PCDHGA9: variants seen among roughly 807,000 people sequenced by gnomAD.
PCDHGA9 encodes the protein protocadherin gamma subfamily A, 9, also known as protocadherin gamma-A9.
A neutral mutation model predicts 62.5 loss-of-function variants in PCDHGA9; 37 were observed. That is an observed-to-expected ratio of 0.59 (90% confidence interval 0.46 to 0.78). The LOEUF (loss-of-function observed/expected upper bound fraction) is 0.78, where lower values mean the gene tolerates loss of function less well. Ranked by LOEUF, PCDHGA9 falls within the 30% of genes least tolerant of loss-of-function variation. The pLI, the probability that PCDHGA9 is intolerant of heterozygous loss-of-function variation, is 0.00. For missense variants in PCDHGA9, 1,138 were observed against 1,166.2 expected (o/e 0.98, Z 0.35); for synonymous variants, 459 against 484.6 (o/e 0.95, Z 0.69).
At position 141,403,588 on chromosome 5, in the gene PCDHGA9, C is replaced by T; in HGVS notation, c.636C>T (p.Leu212=). 6.2e-7 allele frequency: 1 copy of T among 1,613,904 alleles called. No individual in the cohort carries two copies. Among genetic ancestry groups the T allele is most frequent in the South Asian group, 1.1e-5 (1 of 91,086 alleles). Residue 212 remains leucine, a synonymous_variant, in exon 1 of 4, where the codon CTC becomes CTT. Transcript: ENST00000573521. ...REEATAHHLV[L]TASDGGEPRR... ...AGGCAACTGCCCACCACCTGGTCCT[C>T]ACGGCCTCGGATGGCGGCGAGCCGC...
Position 141,491,755 on chromosome 5 carries a change from G to T in PCDHGA9, c.2425-3052G>T, listed in dbSNP as rs1402188587. 3 of 1,582,078 alleles carry T rather than the reference G, an allele frequency of 1.9e-6. No individual in the cohort carries two copies. Among genetic ancestry groups the T allele is most frequent in the Non-Finnish European group, 2.6e-6 (3 of 1,165,458 alleles). On this transcript the variant is annotated intron_variant, in intron 1 of 3. Coordinates refer to ENST00000573521, the MANE Select transcript of PCDHGA9 (RefSeq NM_018921.3). This position sits in a 1 kb window ranked among gnomAD's most constrained non-coding sequence, Gnocchi z 6.9. ...CCCTGGGGGCGGCACTGGAGAAGCC[G>T]CCCGTCCTCATAAGGGATTGAACTT...
rs781336795 is a variant in PCDHGA9, at chr5:141,477,936, C to T, written c.2425-16871C>T. Reference sequence around the variant, plus strand: ...GATGCAGGGCACAATGCCTGGCTCTCCTACAGTCTCTTGGGATCCCCTAAC... The same window carrying T: ...GATGCAGGGCACAATGCCTGGCTCTTCTACAGTCTCTTGGGATCCCCTAAC... On this transcript the variant is annotated intron_variant, in intron 1 of 3. Transcript: ENST00000573521. This position sits in a 1 kb window ranked among gnomAD's most constrained non-coding sequence, Gnocchi z 4.9. 1.2e-6 allele frequency: 2 copies of T among 1,614,170 alleles called. No homozygotes were observed. The highest frequency in any genetic ancestry group is 1.1e-5 in the South Asian group (1 of 91,088).
chr5:141,433,837 C>CAAAAAA (rs56191208), intron 1 of PCDHGA9, among the ~76,000 whole-genome samples: 2 of 111,692 alleles, frequency 1.8e-5, no homozygotes, highest in Non-Finnish European at 3.9e-5. Context: ...AACTCTATCT[C>CAAAAAA]AAAAAAAAAA....
chr5:141,477,301 C>T lies in PCDHGA9; in HGVS notation c.2425-17506C>T, dbSNP rs756549446. The T allele has an allele frequency of 6.2e-7, 1 of 1,614,160 alleles. No homozygotes were observed. Among genetic ancestry groups the T allele is most frequent in the East Asian group, 2.2e-5 (1 of 44,872 alleles). Reference sequence around the variant, plus strand: ...TGACCTGCGAAGTTCCACCGGGTCTCCCTTTCAGCCTTACTTCTTCCCTCA... The same window carrying T: ...TGACCTGCGAAGTTCCACCGGGTCTTCCTTTCAGCCTTACTTCTTCCCTCA... On this transcript the variant is annotated intron_variant, in intron 1 of 3. Coordinates refer to ENST00000573521, the MANE Select transcript of PCDHGA9 (RefSeq NM_018921.3). The surrounding 1 kb of genome is among the most constrained non-coding windows in gnomAD (Gnocchi z 4.9).
At chr5:141,415,397 G>T (rs1168654728) in intron 1 of PCDHGA9, 1 of 1,614,124 alleles carries the variant, frequency 6.2e-7, no homozygotes, top group African/African-American at 1.3e-5. Context: ...GGTGTGTCCG[G>T]CTCGCACTTT....
In PCDHGA9 at chr5:141,494,748, C is replaced by T. The variant is rs566281527; in HGVS notation, c.2425-59C>T. On this transcript the variant is annotated intron_variant, in intron 1 of 3. Coordinates refer to ENST00000573521, the MANE Select transcript of PCDHGA9 (RefSeq NM_018921.3). ...CTCTCCCGGCCCATCCCTAGGGGCTCGGGTGACATTCTAACTTCTCACGGG... is the reference window on the plus strand; with the variant it reads ...CTCTCCCGGCCCATCCCTAGGGGCTTGGGTGACATTCTAACTTCTCACGGG... 1.4e-5 allele frequency: 22 copies of T among 1,613,104 alleles called. No individual in the cohort carries two copies. The East Asian group carries it at 4.2e-4, about 31-fold the overall frequency.
At chr5:141,480,514 C>A (rs1015316945) in intron 1 of PCDHGA9, among the ~76,000 whole-genome samples, 2 of 127,196 alleles carry the variant, frequency 1.6e-5, no homozygotes, top group African/African-American at 7.3e-5. Flanking sequence ...TGAGAACAAC[C>A]AAAAATGACA....
Position 141,511,039 on chromosome 5 carries a change from C to T in PCDHGA9, c.2665C>T (p.Pro889Ser). 1 of 1,614,196 alleles carries T rather than the reference C, an allele frequency of 6.2e-7. No homozygotes were observed. ...YGPQFTLQHV[P>S]DYRQNVYIPG... ...ACCCCAGTTCACCCTGCAGCACGTGCCCGACTACCGCCAGAATGTCTACAT... is the reference window on the plus strand; with the variant it reads ...ACCCCAGTTCACCCTGCAGCACGTGTCCGACTACCGCCAGAATGTCTACAT... The change falls in exon 4 of 4, where the codon CCC (proline) becomes TCC (serine). Residue 889 changes from proline (P) to serine (S), a missense_variant. Physicochemically the swap from Pro to Ser is moderately conservative, Grantham distance 74. Coordinates refer to ENST00000573521, the MANE Select transcript of PCDHGA9 (RefSeq NM_018921.3).
chr5:141,464,079 A>G (rs996899520), intron 1 of PCDHGA9, among the ~76,000 whole-genome samples: 3 of 152,124 alleles, frequency 2.0e-5, no homozygotes, highest in Non-Finnish European at 4.4e-5. Flanking sequence ...AGCCTGGCCA[A>G]CATGGTGAAA....
intron 1 of PCDHGA9, chr5:141,421,459 G>T: frequency 6.2e-7 from 1 of 1,614,142 alleles, no homozygotes; most frequent in South Asian, 1.1e-5. Context: ...GCTTTTCGCT[G>T]TGAATCCGCG....
chr5:141,472,412 G>A (rs1283620276), intron 1 of PCDHGA9, among the ~76,000 whole-genome samples: 8 of 151,940 alleles, frequency 5.3e-5, no homozygotes, highest in Non-Finnish European at 8.8e-5. Context: ...GTGGTGGCAC[G>A]CACCTGTATC....
chr5:141,441,843 G>T, intron 1 of PCDHGA9: 1 of 356,176 alleles, frequency 2.8e-6, no homozygotes. Context: ...TCGCGCTCTT[G>T]GATATGGTGC....
At chr5:141,492,448 G>T (rs2734874) in intron 1 of PCDHGA9, among the ~76,000 whole-genome samples, 50 of 152,334 alleles carry the variant, frequency 3.3e-4, no homozygotes, top group African/African-American at 1.2e-3. Context: ...GTAGCTGATT[G>T]TGCGCGCCTG....
chr5:141,422,370 T>G (rs2096643676), intron 1 of PCDHGA9: 1 of 1,566,604 alleles, frequency 6.4e-7, no homozygotes, highest in African/African-American at 1.4e-5. Flanking sequence ...GAGAAAATGG[T>G]CAAGTCTCCT....
At position 141,511,219 on chromosome 5, in the gene PCDHGA9, G is replaced by A. The variant is rs1467284181; in HGVS notation, c.*46G>A. On this transcript the variant is annotated 3_prime_UTR_variant, in exon 4 of 4. Coordinates refer to ENST00000573521, the MANE Select transcript of PCDHGA9 (RefSeq NM_018921.3). ...CCACAGGGCGGCCTCTCCCCAACCA[G>A]CCCAGCTTCTCCTTACCTGCACCCA... 5 of 1,606,366 alleles carry A rather than the reference G, an allele frequency of 3.1e-6. No individual in the cohort carries two copies. The highest frequency in any genetic ancestry group is 2.7e-5 in the African/African-American group (2 of 74,686).
intron 1 of PCDHGA9, among the ~76,000 whole-genome samples, chr5:141,444,862 A>G (rs781224880): frequency 1.8e-4 from 28 of 152,198 alleles, no homozygotes; most frequent in Non-Finnish European, 2.9e-4. Flanking sequence ...AAGTCTTACT[A>G]CAGGACAAAG....
At chr5:141,412,815 A>G (rs2095578958) in intron 1 of PCDHGA9, among the ~76,000 whole-genome samples, 1 of 152,328 alleles carries the variant, frequency 6.6e-6, no homozygotes, top group Non-Finnish European at 1.5e-5. Flanking sequence ...AGAAACCTAC[A>G]TATAGTAAAT....
At chr5:141,443,844 G>T (rs976057583) in intron 1 of PCDHGA9, among the ~76,000 whole-genome samples, 1 of 152,130 alleles carries the variant, frequency 6.6e-6, no homozygotes, top group African/African-American at 2.4e-5. Flanking sequence ...GGGTAATATG[G>T]AAAGTCTGAA....
At chr5:141,405,545 AAGTAGAGTAGCTGGGACTAG>A (rs1053729516) in intron 1 of PCDHGA9, 169 bp downstream of exon 1, 17 of 631,162 alleles carry the variant, frequency 2.7e-5, no homozygotes, top group African/African-American at 9.2e-5. Flanking sequence ...TCAGCCTCCC[AAGTAGAGTAGCTGGGACTAG>A]AGTAGAGTAG....
Sources: gnomAD v4.1 joint callset for allele counts (sites outside exome capture counted in the v4.1 genomes callset) on GRCh38, gnomAD v4.1.1 for gene constraint, Gnocchi (gnomAD v3.1) non-coding constraint, MANE v1.5 for transcripts, NCBI Gene and HGNC (gene_info 2026-07-23, HGNC 2026-07-21) for gene names.